Variants in CHTF18 observed in about 807,000 individuals in gnomAD.
CHTF18 encodes chromosome transmission fidelity factor 18.
A neutral mutation model predicts 113.4 loss-of-function variants in CHTF18; 151 were observed. The observed-to-expected ratio is 1.33, with a 90% CI of 1.17 to 1.52. CHTF18 has a LOEUF of 1.52. Ranked by LOEUF, CHTF18 falls within the 40% of genes most tolerant of loss-of-function variation. The pLI, the probability that CHTF18 is intolerant of heterozygous loss-of-function variation, is 0.00. For missense variants in CHTF18, 1,982 were observed against 1,381.6 expected, an observed-to-expected ratio of 1.43 and a Z score of -6.89; for synonymous variants, 916 against 598.8, an observed-to-expected ratio of 1.53 and a Z score of -7.74.
chr16:796,157 A>G (rs1365536753), intron 18 of CHTF18, 80 bp downstream of exon 18: 1 of 1,521,848 alleles, frequency 6.6e-7, no homozygotes, highest in Admixed American at 2.0e-5. Flanking sequence ...GCATGGGGCC[A>G]GGAGTCTGAA....
In CHTF18 at chr16:792,559, A is replaced by G. The variant is rs753335754; in HGVS notation, c.1447A>G (p.Met483Val). Residue 483 changes from methionine to valine, a missense_variant, in exon 11 of 22, where the codon ATG (methionine) becomes GTG (valine). Coordinates refer to ENST00000262315, the MANE Select transcript of CHTF18 (RefSeq NM_022092.3). ...GCGCCGGGCAGAGGGGGGGCTCCTC[A>G]TGAGGCCCATTATCTGCATTTGCAA... ...RRRRAEGGLL[M>V]RPIICICNDQ... is the part of the protein sequence containing the mutation. The G allele has an allele frequency of 2.2e-5, 35 of 1,596,770 alleles. No homozygotes were observed. Among genetic ancestry groups the G allele is most frequent in the Middle Eastern group, 1.7e-4 (1 of 5,988 alleles).
chr16:792,189 C>T (rs1258193373), intron 9 of CHTF18, 35 bp from the exon 10 acceptor site: 4 of 1,553,930 alleles, frequency 2.6e-6, no homozygotes, highest in East Asian at 2.4e-5. Flanking sequence ...CAGGGACGCC[C>T]ACTGCCCTGA....
chr16:790,842 C>G (rs1022094241), intron 7 of CHTF18, 176 bp downstream of exon 7: 4 of 1,430,308 alleles, frequency 2.8e-6, no homozygotes, highest in Non-Finnish European at 3.6e-6. Flanking sequence ...TGCTACTGGT[C>G]CCCTGTGACC....
At position 790,254 on chromosome 16, in the gene CHTF18, G is replaced by A. The variant is rs1370942747; in HGVS notation, c.684G>A (p.Lys228=). The change falls in exon 5 of 22, where the codon AAG becomes AAA. Residue 228 remains lysine (K), a synonymous_variant. Coordinates refer to ENST00000262315, the MANE Select transcript of CHTF18 (RefSeq NM_022092.3). ...GTGTGTCCTTAGCCTCCCTGAAGAA[G>A]CAGGTCGACGGCGAGGTAGGGGCTG... ...LLGVSLASLK[K]QVDGERRERL... is the part of the protein sequence containing the mutation. 3.7e-6 allele frequency: 6 copies of A among 1,606,782 alleles called. No individual in the cohort carries two copies. Among genetic ancestry groups the A allele is most frequent in the Non-Finnish European group, 5.1e-6 (6 of 1,177,638 alleles).
chr16:789,831 G>A lies in CHTF18; in HGVS notation c.606+116G>A, dbSNP rs538392872. On this transcript the variant is annotated intron_variant, in intron 4 of 21. Transcript: ENST00000262315. Reference sequence around the variant, plus strand: ...AGCGGGTCCTGTGCAGAGCCCCAGGGGTGCAGAGGGGGAGGCTGCGTCATG... The same window carrying A: ...AGCGGGTCCTGTGCAGAGCCCCAGGAGTGCAGAGGGGGAGGCTGCGTCATG... 672 of 1,349,856 alleles carry A rather than the reference G, an allele frequency of 5.0e-4. 9 individuals carry two copies. In the South Asian group the frequency reaches 8.6e-3, roughly 17 times the overall value. The allele number at this position is 1,349,856 out of a possible 1,614,324, so 83.6% of individuals were successfully genotyped here. A position where few individuals can be genotyped will look rare whatever the true frequency, so the allele number is the denominator to read the frequency against.
intron 18 of CHTF18, 108 bp downstream of exon 18, chr16:796,185 T>TG: frequency 7.0e-7 from 1 of 1,422,966 alleles, no homozygotes; most frequent in Non-Finnish European, 9.4e-7. Context: ...TCATGGCGTC[T>TG]GGGGGTGGCG....
chr16:797,908 G>T lies in CHTF18; in HGVS notation c.2861G>T (p.Trp954Leu). The T allele has an allele frequency of 6.2e-7, 1 of 1,612,074 alleles. No homozygotes were observed. Among genetic ancestry groups the T allele is most frequent in the Non-Finnish European group, 8.5e-7 (1 of 1,179,676 alleles). Residue 954 changes from tryptophan to leucine, a missense_variant, in exon 22 of 22, where the codon TGG becomes TTG. By Grantham distance (61) the Trp-to-Leu change is moderately conservative. Coordinates refer to ENST00000262315, the MANE Select transcript of CHTF18 (RefSeq NM_022092.3). ...MGTAVGRSEV[W>L]FRFNEGVSNA... is the part of the protein sequence containing the mutation. The stretch of plus-strand genomic sequence containing the variant: ...ACAGCGGTGGGCAGGAGCGAGGTCT[G>T]GTTCCGCTTCAACGAGGGTGTCTCC...
At position 792,956 on chromosome 16, in the gene CHTF18, T is replaced by G. The variant is rs1016518731; in HGVS notation, c.1573-10T>G. 1 of 1,552,514 alleles carries G rather than the reference T, an allele frequency of 6.4e-7. No homozygotes were observed. Among genetic ancestry groups the G allele is most frequent in the Non-Finnish European group, 8.7e-7 (1 of 1,148,402 alleles). ...TACCATCGGGCCCTCCAGCAGCCCT[T>G]CTCCACCAGGTCTCCCTGCGGCAGG... On this transcript the variant is annotated splice_polypyrimidine_tract_variant and intron_variant, in intron 12 of 21. Transcript: ENST00000262315.
Position 792,216 on chromosome 16 carries a change from C to A in CHTF18, c.1203-8C>A. ...CTGCCCTGACGACCCCTGACCTCCC[C>A]ATTGCAGTGACGACCGTAGCCCGGA... is the stretch of plus-strand genomic sequence containing the variant. On this transcript the variant is annotated splice_region_variant and splice_polypyrimidine_tract_variant and intron_variant, in intron 9 of 21. Transcript: ENST00000262315. The A allele has an allele frequency of 6.4e-7, 1 of 1,571,144 alleles. No homozygotes were observed. Among genetic ancestry groups the A allele is most frequent in the Non-Finnish European group, 8.6e-7 (1 of 1,159,072 alleles).
chr16:796,543 C>G, intron 18 of CHTF18, 174 bp from the exon 19 acceptor site: 2 of 699,194 alleles, frequency 2.9e-6, no homozygotes, highest in South Asian at 4.1e-5. Context: ...AACTGAGGCT[C>G]GGGGCAGTTA....
Position 797,025 on chromosome 16 carries a change from G to C in CHTF18, c.2666G>C (p.Arg889Pro), listed in dbSNP as rs777311344. The C allele has an allele frequency of 6.4e-7, 1 of 1,559,582 alleles. No homozygotes were observed. Among genetic ancestry groups the C allele is most frequent in the African/African-American group, 1.4e-5 (1 of 73,254 alleles). Reference protein sequence around the residue: ...LGGIGEKGVHRPAPRNHEQRL... With the variant: ...LGGIGEKGVHPPAPRNHEQRL... Reference sequence around the variant, plus strand: ...GGCATTGGGGAGAAAGGGGTGCACCGACCTGCCCCACGCAACCATGAGCAG... The same window carrying C: ...GGCATTGGGGAGAAAGGGGTGCACCCACCTGCCCCACGCAACCATGAGCAG... The change falls in exon 20 of 22, where the codon CGA (arginine) becomes CCA (proline). Residue 889 changes from arginine to proline, a missense_variant. Transcript: ENST00000262315.
rs1229702812 is a variant in CHTF18 at position 789,214 on chromosome 16, C to T, written c.291C>T (p.Pro97=). Residue 97 remains proline, a synonymous_variant, in exon 3 of 22, where the codon CCC becomes CCT. Transcript: ENST00000262315. ...LQPAGSLPHA[P]RIKRPRLQVV... ...CCCTGCATGTGTCTCCCCCAGCCCC[C>T]AGGATCAAACGGCCTAGGCTGCAGG... The T allele has an allele frequency of 4.5e-6, 7 of 1,551,384 alleles. No homozygotes were observed. The highest frequency in any genetic ancestry group is 1.2e-5 in the South Asian group (1 of 84,220).
At position 789,363 on chromosome 16, in the gene CHTF18, G is replaced by C; in HGVS notation, c.437+3G>C. 2 of 1,581,208 alleles carry C rather than the reference G, an allele frequency of 1.3e-6. No homozygotes were observed. Among genetic ancestry groups the C allele is most frequent in the Non-Finnish European group, 1.7e-6 (2 of 1,165,078 alleles). ...CTCGCAGAGCTTTGGGGCCACGGGT[G>C]TGTGGCTTGGACATGGGCGTCCCAT... On this transcript the variant is annotated splice_donor_region_variant and intron_variant, in intron 3 of 21. Coordinates refer to ENST00000262315, the MANE Select transcript of CHTF18 (RefSeq NM_022092.3).
chr16:790,111 T>TG, intron 4 of CHTF18, 66 bp from the exon 5 acceptor site: 1 of 1,543,430 alleles, frequency 6.5e-7, no homozygotes, highest in Non-Finnish European at 8.7e-7. Flanking sequence ...TGAGCACTGA[T>TG]GGGGGCTGAC....
At position 796,887 on chromosome 16, in the gene CHTF18, G is replaced by A. The variant is rs751787273; in HGVS notation, c.2601+26G>A. On this transcript the variant is annotated intron_variant, in intron 19 of 21. Coordinates refer to ENST00000262315, the MANE Select transcript of CHTF18 (RefSeq NM_022092.3). ...GTGAGCCCACCCAGGCTCTGGAGCA[G>A]GTTGCAGTCTGGGCGTGCACCATCC... 9 of 1,573,748 alleles carry A rather than the reference G, an allele frequency of 5.7e-6. No homozygotes were observed. The South Asian group carries it at 1.0e-4, about 18-fold the overall frequency.
At chr16:789,945 TC>T in intron 4 of CHTF18, 2 of 1,507,172 alleles carry the variant, frequency 1.3e-6, no homozygotes, top group Non-Finnish European at 1.8e-6. Flanking sequence ...CCTCCTTGCT[TC>T]CCCTCCTGCT....
In CHTF18 at chr16:793,680, C is replaced by T. The variant is rs561751589; in HGVS notation, c.1803-374C>T. 441 of 592,020 alleles carry T rather than the reference C, an allele frequency of 7.4e-4. 7 individuals carry two copies. The highest frequency in any genetic ancestry group is 1.6e-4 in the African/African-American group (9 of 54,742). The allele number at this position is 592,020 out of a possible 1,614,324, so 36.7% of individuals were successfully genotyped here. ...CAGGAGCAGCCAGCATGTCTCTGTCCTGACGTGCCATGGGACCCCAGGGGA... is the reference window on the plus strand; with the variant it reads ...CAGGAGCAGCCAGCATGTCTCTGTCTTGACGTGCCATGGGACCCCAGGGGA... On this transcript the variant is annotated intron_variant, in intron 14 of 21. Transcript: ENST00000262315.
At position 791,850 on chromosome 16, in the gene CHTF18, G is replaced by A. The variant is rs1474308997; in HGVS notation, c.1105-1G>A. 4 of 1,602,532 alleles carry A rather than the reference G, an allele frequency of 2.5e-6. No individual in the cohort carries two copies. The highest frequency in any genetic ancestry group is 1.3e-5 in the African/African-American group (1 of 74,814). ...TACGCCTTCATCTACCTGGGCTGCA[G>A]GTGGCACTGCTCTGTGGGCCCCCGG... is the stretch of plus-strand genomic sequence containing the variant. On this transcript the variant is annotated splice_acceptor_variant, in intron 8 of 21. Transcript: ENST00000262315. LOFTEE classifies it high-confidence loss of function.
rs746903333 is a variant in CHTF18, at chr16:790,485, C to T, written c.753-40C>T. ...TCCTAGCGTGTGGGTTGGCATGGTC[C>T]CTGCGAGTTGTTTGTGGCTCAGGAC... On this transcript the variant is annotated intron_variant, in intron 6 of 21. Coordinates refer to ENST00000262315, the MANE Select transcript of CHTF18 (RefSeq NM_022092.3). 6.2e-6 allele frequency: 10 copies of T among 1,606,918 alleles called. No homozygotes were observed. The East Asian group carries it at 1.1e-4, about 18-fold the overall frequency.
Sources: allele counts gnomAD v4.1 joint callset, GRCh38; gene constraint gnomAD v4.1.1; transcripts MANE v1.5; gene names NCBI Gene and HGNC (gene_info 2026-07-23, HGNC 2026-07-21).